Variants in ANKDD1B observed in about 807,000 individuals in gnomAD.
ANKDD1B encodes the protein ankyrin repeat and death domain containing 1B.
Under a neutral mutation model 59.7 loss-of-function variants are expected in ANKDD1B, and 57 were observed. The observed-to-expected ratio is 0.95, with a 90% CI of 0.77 to 1.19. ANKDD1B has a LOEUF of 1.19. Ranked by LOEUF, ANKDD1B falls within the 50% of genes most tolerant of loss-of-function variation. The pLI, the probability that ANKDD1B is intolerant of heterozygous loss-of-function variation, is 0.00. For missense variants in ANKDD1B, 602 were observed against 641.9 expected, an observed-to-expected ratio of 0.94 and a Z score of 0.67; for synonymous variants, 216 against 239.5, an observed-to-expected ratio of 0.90 and a Z score of 0.91.
chr5:75,623,547 T>G (rs1191827137), intron 3 of ANKDD1B, among the ~76,000 whole-genome samples: 1 of 152,306 alleles, frequency 6.6e-6, no homozygotes, highest in Middle Eastern at 3.4e-3. Context: ...GTCTTCTTCA[T>G]GCTGGAATTG....
Position 75,635,184 on chromosome 5 carries a change from T to C in ANKDD1B, c.699+188T>C, listed in dbSNP as rs1265379596. ...ATCCTTCCACTGTTGCTCTGGGTTGTCCAGATTGGCAGTTTTTGCTTCATA... is the reference window on the plus strand; with the variant it reads ...ATCCTTCCACTGTTGCTCTGGGTTGCCCAGATTGGCAGTTTTTGCTTCATA... On this transcript the variant is annotated intron_variant, in intron 6 of 13. Transcript: ENST00000601380. 2.6e-5 allele frequency: 12 copies of C among 469,686 alleles called. No individual in the cohort carries two copies. In the East Asian group the frequency reaches 3.6e-4, roughly 14 times the overall value. 29.1% of individuals were successfully genotyped at this position (469,686 alleles called of 1,614,324 possible).
intron 10 of ANKDD1B, 40 bp from the exon 11 acceptor site, chr5:75,663,354 A>C: frequency 5.6e-5 from 76 of 1,346,896 alleles, no homozygotes; most frequent in Non-Finnish European, 7.0e-5. Context: ...CCTAATCACT[A>C]GGCCATATCA....
At chr5:75,612,266 T>C (rs2112946675) in intron 1 of ANKDD1B, among the ~76,000 whole-genome samples, 1 of 149,160 alleles carries the variant, frequency 6.7e-6, no homozygotes, top group African/African-American at 2.5e-5. Flanking sequence ...TAGCATAAAC[T>C]GAGGCAGCTG....
At chr5:75,660,465 T>C (rs1408413783) in intron 10 of ANKDD1B, among the ~76,000 whole-genome samples, 1 of 152,246 alleles carries the variant, frequency 6.6e-6, no homozygotes, top group Non-Finnish European at 1.5e-5. Context: ...TCATTGTATG[T>C]CTATACCACA....
At chr5:75,617,217 G>T (rs150709868) in intron 2 of ANKDD1B, among the ~76,000 whole-genome samples, 3 of 152,094 alleles carry the variant, frequency 2.0e-5, no homozygotes, top group Non-Finnish European at 4.4e-5. Context: ...CTGGATTGTC[G>T]CCTGTGGATC....
In ANKDD1B at chr5:75,624,252, G is replaced by A. The variant is rs150761744; in HGVS notation, c.397-1395G>A. Among the ~76,000 whole-genome samples the A allele has an allele frequency of 1.1e-3, 171 of 152,322 alleles. 2 individuals are homozygous for A. The highest frequency in any genetic ancestry group is 3.8e-3 in the African/African-American group (158 of 41,564). ...TAGAACTAAGTTCACCAAGATCCCC[G>A]TACTTGAAAGTGATAGAAAGTGACC... On this transcript the variant is annotated intron_variant, in intron 3 of 13. Coordinates refer to ENST00000601380, the MANE Select transcript of ANKDD1B (RefSeq NM_001276713.2).
chr5:75,660,735 C>CA (rs1448854642), intron 10 of ANKDD1B, among the ~76,000 whole-genome samples: 1 of 152,166 alleles, frequency 6.6e-6, no homozygotes, highest in African/African-American at 2.4e-5. Context: ...GTGAGGTGGA[C>CA]AAAATCACTC....
At chr5:75,617,937 G>C (rs115356459) in intron 2 of ANKDD1B, among the ~76,000 whole-genome samples, 2,704 of 152,150 alleles carry the variant, frequency 0.018, 70 homozygotes, top group African/African-American at 0.06. Flanking sequence ...CGGCAGTAGG[G>C]GGGTGGTGTG....
intron 9 of ANKDD1B, among the ~76,000 whole-genome samples, chr5:75,658,042 T>A (rs2112011442): frequency 6.7e-6 from 1 of 149,134 alleles, no homozygotes; most frequent in Admixed American, 6.7e-5. Context: ...TGAGGCCTCA[T>A]CGCTAAAAAA....
intron 11 of ANKDD1B, among the ~76,000 whole-genome samples, chr5:75,666,453 CAAAGGCCATT>C: frequency 6.6e-6 from 1 of 152,212 alleles, no homozygotes; most frequent in South Asian, 2.1e-4. Flanking sequence ...TGGGTTCAAA[CAAAGGCCATT>C]AAAGATGGTT....
intron 5 of ANKDD1B, among the ~76,000 whole-genome samples, chr5:75,626,247 A>T (rs1352156348): frequency 6.6e-6 from 1 of 152,164 alleles, no homozygotes; most frequent in Non-Finnish European, 1.5e-5. Context: ...CCCCTCTAGT[A>T]ATCAGAATGT....
At chr5:75,664,818 C>G in intron 11 of ANKDD1B, among the ~76,000 whole-genome samples, 1 of 152,096 alleles carries the variant, frequency 6.6e-6, no homozygotes, top group Admixed American at 6.5e-5. Context: ...CTAAAGGAGA[C>G]CCCCAGAAAT....
chr5:75,614,743 C>T lies in ANKDD1B; in HGVS notation c.194-2061C>T, dbSNP rs528619314. Among the ~76,000 whole-genome samples, 53 of 152,208 alleles carry T rather than the reference C, an allele frequency of 3.5e-4. 1 individual carries two copies. The Middle Eastern group carries it at 0.014, about 39-fold the overall frequency. On this transcript the variant is annotated intron_variant, in intron 1 of 13. Transcript: ENST00000601380. ...CTGGGTTATGGGCTTACACATGTGACCAGGTAGAAGAGAAGAAGCAGATAT... is the reference window on the plus strand; with the variant it reads ...CTGGGTTATGGGCTTACACATGTGATCAGGTAGAAGAGAAGAAGCAGATAT...
intron 3 of ANKDD1B, among the ~76,000 whole-genome samples, chr5:75,621,238 C>T (rs1773839646): frequency 6.6e-6 from 1 of 152,124 alleles, no homozygotes; most frequent in African/African-American, 2.4e-5. Context: ...ATAGGAGCTC[C>T]CTTCTCCTCT....
At chr5:75,617,630 G>A (rs1165425219) in intron 2 of ANKDD1B, among the ~76,000 whole-genome samples, 2 of 152,156 alleles carry the variant, frequency 1.3e-5, no homozygotes, top group Non-Finnish European at 2.9e-5. Context: ...GGATTTAATG[G>A]TATACGAAGC....
chr5:75,660,965 T>C (rs1217513528), intron 10 of ANKDD1B, among the ~76,000 whole-genome samples: 1 of 152,176 alleles, frequency 6.6e-6, no homozygotes, highest in African/African-American at 2.4e-5. Flanking sequence ...AGTGCAAGCC[T>C]GAGTCCACCC....
chr5:75,663,703 C>T (rs1036476020), intron 11 of ANKDD1B, among the ~76,000 whole-genome samples: 12 of 152,182 alleles, frequency 7.9e-5, no homozygotes, highest in South Asian at 4.1e-4. Flanking sequence ...ACTGAGAGCG[C>T]GTAGAGTTCA....
At chr5:75,662,242 C>T (rs1264572995) in intron 10 of ANKDD1B, among the ~76,000 whole-genome samples, 1 of 152,122 alleles carries the variant, frequency 6.6e-6, no homozygotes, top group African/African-American at 2.4e-5. Flanking sequence ...AGAATGTAGA[C>T]AGCATACAAT....
At chr5:75,666,468 A>T (rs1775308150) in intron 11 of ANKDD1B, among the ~76,000 whole-genome samples, 1 of 152,160 alleles carries the variant, frequency 6.6e-6, no homozygotes, top group South Asian at 2.1e-4. Context: ...GCCATTAAAG[A>T]TGGTTTTGTT....
Sources: gnomAD v4.1 joint callset for allele counts (sites outside exome capture counted in the v4.1 genomes callset) on GRCh38, gnomAD v4.1.1 for gene constraint, MANE v1.5 for transcripts, NCBI Gene and HGNC (gene_info 2026-07-23, HGNC 2026-07-21) for gene names.